PDLIM1: variants seen among roughly 807,000 people sequenced by gnomAD.
PDLIM1 encodes PDZ and LIM domain 1.
In PDLIM1, 25 loss-of-function variants were observed where a neutral mutation model predicts 35.2. The ratio of observed to expected loss-of-function variants is 0.71; its 90% CI spans 0.52 to 0.99. The LOEUF (loss-of-function observed/expected upper bound fraction) is 0.99, where lower values mean the gene tolerates loss of function less well. Ranked by LOEUF, PDLIM1 falls within the 50% of genes least tolerant of loss-of-function variation. PDLIM1 has a pLI of 0.00. For synonymous variants in PDLIM1, 152 were observed against 154.0 expected, an observed-to-expected ratio of 0.99 and a Z score of 0.10; for missense variants, 363 against 415.3, an observed-to-expected ratio of 0.87 and a Z score of 1.09.
chr10:95,251,689 A>C (rs1370931591), intron 4 of PDLIM1, among the ~76,000 whole-genome samples: 7 of 152,236 alleles, frequency 4.6e-5, no homozygotes, highest in Admixed American at 4.6e-4. Flanking sequence ...CAGACAGGAG[A>C]AGATGGTCTC....
chr10:95,259,129 T>C (rs1213887525), intron 4 of PDLIM1, among the ~76,000 whole-genome samples: 2 of 152,166 alleles, frequency 1.3e-5, no homozygotes, highest in African/African-American at 4.8e-5. Flanking sequence ...CTTGAGTGTA[T>C]TGATGTCAAT....
At chr10:95,258,836 G>C (rs2035338004) in intron 4 of PDLIM1, among the ~76,000 whole-genome samples, 1 of 151,370 alleles carries the variant, frequency 6.6e-6, no homozygotes, top group Non-Finnish European at 1.5e-5. Context: ...AATAAAAAAA[G>C]ACAAACCCAT....
intron 1 of PDLIM1, among the ~76,000 whole-genome samples, chr10:95,275,982 T>C (rs2035508421): frequency 6.6e-6 from 1 of 152,174 alleles, no homozygotes; most frequent in South Asian, 2.1e-4. Flanking sequence ...AAATTACACA[T>C]ACAGATTAAG....
intron 5 of PDLIM1, among the ~76,000 whole-genome samples, chr10:95,244,036 A>C (rs1365999261): frequency 6.6e-6 from 1 of 152,214 alleles, no homozygotes; most frequent in Admixed American, 6.5e-5. Flanking sequence ...TGGTGATAGT[A>C]GCACAATCAC....
chr10:95,253,843 T>C (rs151066121), intron 4 of PDLIM1, among the ~76,000 whole-genome samples: 1 of 152,268 alleles, frequency 6.6e-6, no homozygotes, highest in African/African-American at 2.4e-5. Flanking sequence ...AACTATATTG[T>C]AAGCAGGGGA....
At chr10:95,262,339 G>C (rs1272380387) in intron 4 of PDLIM1, among the ~76,000 whole-genome samples, 4 of 152,204 alleles carry the variant, frequency 2.6e-5, no homozygotes, top group African/African-American at 9.6e-5. Flanking sequence ...GCGGGCTTCA[G>C]AGGCAATACA....
Position 95,290,593 on chromosome 10 carries a change from C to G in PDLIM1, c.96+227G>C, listed in dbSNP as rs1017353523. ...AACTGCCTTCTTTTTTTCTGGCGGA[C>G]ACGGAGCGCGCCCGCGGCGGGCCGA... On this transcript the variant is annotated intron_variant, in intron 1 of 6. Transcript: ENST00000329399. The surrounding 1 kb of genome is among the most constrained non-coding windows in gnomAD (Gnocchi z 4.7). 6.6e-6 allele frequency among the ~76,000 whole-genome samples: 1 copy of G among 152,076 alleles called. No individual in the cohort carries two copies. Among genetic ancestry groups the G allele is most frequent in the Non-Finnish European group, 1.5e-5 (1 of 67,984 alleles).
chr10:95,261,923 G>A (rs989346250), intron 4 of PDLIM1, among the ~76,000 whole-genome samples: 4 of 151,780 alleles, frequency 2.6e-5, no homozygotes, highest in African/African-American at 4.8e-5. Flanking sequence ...CAGAAGAATC[G>A]CTTGAACCCG....
chr10:95,256,979 A>AG (rs755406639), intron 4 of PDLIM1, among the ~76,000 whole-genome samples: 6,922 of 135,256 alleles, frequency 0.051, 464 homozygotes, highest in Non-Finnish European at 0.058. Context: ...CATCTTAAAA[A>AG]AAAAAAAAAA....
chr10:95,262,122 G>C (rs2035369230), intron 4 of PDLIM1, among the ~76,000 whole-genome samples: 1 of 152,178 alleles, frequency 6.6e-6, no homozygotes, highest in Non-Finnish European at 1.5e-5. Flanking sequence ...TCTGGGGAGG[G>C]GAGGGGTGAC....
At chr10:95,244,768 T>C (rs1366632495) in intron 5 of PDLIM1, among the ~76,000 whole-genome samples, 1 of 152,048 alleles carries the variant, frequency 6.6e-6, no homozygotes, top group Non-Finnish European at 1.5e-5. Flanking sequence ...GGCATGGTGG[T>C]ACACATCTGT....
chr10:95,253,555 C>T (rs1043276880), intron 4 of PDLIM1, among the ~76,000 whole-genome samples: 1 of 151,872 alleles, frequency 6.6e-6, no homozygotes, highest in African/African-American at 2.4e-5. Flanking sequence ...ACTCAAGAAG[C>T]TGAGGCATGA....
Position 95,237,721 on chromosome 10 carries a change from A to G in PDLIM1, c.*204T>C. 1.8e-6 allele frequency: 1 copy of G among 566,390 alleles called. No homozygotes were observed. The highest frequency in any genetic ancestry group is 3.1e-6 in the Non-Finnish European group (1 of 319,018). The allele number at this position is 566,390 out of a possible 1,614,324, so 35.1% of individuals were successfully genotyped here. A position where few individuals can be genotyped will look rare whatever the true frequency, so the allele number is the denominator to read the frequency against. On this transcript the variant is annotated 3_prime_UTR_variant, in exon 7 of 7. Transcript: ENST00000329399. ...TGTTGCTGACAAGGTGACACTGAAC[A>G]AAACAGTTTTCCTTTAATTGTAAAA...
In PDLIM1 at chr10:95,268,782, G is replaced by T; in HGVS notation, c.329C>A (p.Pro110His). 1.9e-6 allele frequency: 3 copies of T among 1,606,244 alleles called. 1 individual carries two copies. The highest frequency in any genetic ancestry group is 2.2e-5 in the South Asian group (2 of 90,922). The change falls in exon 3 of 7, where the codon CCC becomes CAC. Residue 110 changes from proline (P) to histidine (H), a missense_variant. Coordinates refer to ENST00000329399, the MANE Select transcript of PDLIM1 (RefSeq NM_020992.4). The part of the protein sequence containing the change: ...HPYKMNLASE[P>H]QEVLHIGSAH... ...CAACGATGAGCAAGAACTTACCTGG[G>T]GTTCAGAGGCTAAATTCATCTTGTA...
rs770171385 is a variant in PDLIM1 at position 95,263,882 on chromosome 10, A to G, written c.515T>C (p.Val172Ala). Reference sequence around the variant, plus strand: ...TACTTACGGTCTGCTGTTCGCCTCCACCCCGCTGGCAGCAGTCTTTGACTC... The same window carrying G: ...TACTTACGGTCTGCTGTTCGCCTCCGCCCCGCTGGCAGCAGTCTTTGACTC... The part of the protein sequence containing the change: ...ALESKTAASG[V>A]EANSRPLDHA... Residue 172 changes from valine (V) to alanine (A), a missense_variant, in exon 4 of 7, where the codon GTG becomes GCG. Coordinates refer to ENST00000329399, the MANE Select transcript of PDLIM1 (RefSeq NM_020992.4). 1.2e-6 allele frequency: 2 copies of G among 1,612,814 alleles called. No homozygotes were observed. Among genetic ancestry groups the G allele is most frequent in the Non-Finnish European group, 1.7e-6 (2 of 1,179,492 alleles).
In PDLIM1 at chr10:95,238,624, C is replaced by T. The variant is rs201069556; in HGVS notation, c.747G>A (p.Ala249=). 63 of 1,614,136 alleles carry T rather than the reference C, an allele frequency of 3.9e-5. No homozygotes were observed. Among genetic ancestry groups the T allele is most frequent in the East Asian group, 6.7e-5 (3 of 44,878 alleles). Residue 249 remains alanine (A), a synonymous_variant, in exon 6 of 7, where the codon GCG becomes GCA. Transcript: ENST00000329399. ...SVKAPVTKVA[A]SIGNAQKLPM... is the part of the protein sequence containing the mutation. ...GCAACTTCTGAGCATTTCCAATCGA[C>T]GCAGCCACTTTAGTGACAGGAGCTT...
chr10:95,264,945 C>T (rs1306343632), intron 3 of PDLIM1, among the ~76,000 whole-genome samples: 1 of 96,890 alleles, frequency 1.0e-5, no homozygotes, highest in Non-Finnish European at 2.7e-5. Context: ...AGCATCACAG[C>T]TTTTCTGATA....
intron 1 of PDLIM1, among the ~76,000 whole-genome samples, chr10:95,274,293 C>T (rs1334839249): frequency 2.8e-4 from 37 of 130,598 alleles, no homozygotes; most frequent in African/African-American, 1.0e-3. Flanking sequence ...CACAGTCATC[C>T]TTTTTTTTTT....
At chr10:95,286,526 G>A (rs760280596) in intron 1 of PDLIM1, among the ~76,000 whole-genome samples, 1 of 152,108 alleles carries the variant, frequency 6.6e-6, no homozygotes, top group Non-Finnish European at 1.5e-5. Flanking sequence ...AAGGTGCTCC[G>A]GACTAGAGCT....
Sources: allele counts gnomAD v4.1 joint callset (sites outside exome capture counted in the v4.1 genomes callset), GRCh38; gene constraint gnomAD v4.1.1; non-coding constraint Gnocchi (gnomAD v3.1); transcripts MANE v1.5; gene names NCBI Gene and HGNC (gene_info 2026-07-23, HGNC 2026-07-21).